The following AGBL4 variants were observed in gnomAD, a reference collection of about 807,000 sequenced individuals.
The protein encoded by AGBL4 is cytosolic carboxypeptidase 6.
Under a neutral mutation model 66.4 loss-of-function variants are expected in AGBL4, and 58 were observed. The observed-to-expected ratio is 0.87, with a 90% CI of 0.71 to 1.09. AGBL4 has a LOEUF of 1.09. Among genes scored for constraint, AGBL4 ranks in the 50% least tolerant of loss-of-function variants. The probability of loss-of-function intolerance (pLI) is 0.00; values close to 1 mark genes in which losing one functional copy is unlikely to be tolerated. For synonymous variants in AGBL4, 234 were observed against 222.9 expected (o/e 1.05, Z -0.44); for missense variants, 579 against 631.0 (o/e 0.92, Z 0.88).
chr1:49,593,233 G>A (rs565067844), intron 3 of AGBL4, among the ~76,000 whole-genome samples: 18 of 152,104 alleles, frequency 1.2e-4, no homozygotes, highest in Admixed American at 5.2e-4. Context: ...GTGAAACCCC[G>A]TCTCAACTAA....
chr1:49,600,226 C>T lies in AGBL4; in HGVS notation c.282+97087G>A, dbSNP rs146243130. Among the ~76,000 whole-genome samples the T allele has an allele frequency of 6.6e-4, 100 of 152,234 alleles. 2 individuals are homozygous for T. In the East Asian group the frequency reaches 0.017, roughly 26 times the overall value. On this transcript the variant is annotated intron_variant, in intron 3 of 13. Coordinates refer to ENST00000371839, the MANE Select transcript of AGBL4 (RefSeq NM_032785.4). Reference sequence around the variant, plus strand: ...GACAGTGGGGTGTTAAAGACTCCCACTATTATTGTGTGGGTGTCTAAGTCT... The same window carrying T: ...GACAGTGGGGTGTTAAAGACTCCCATTATTATTGTGTGGGTGTCTAAGTCT...
At chr1:48,979,431 G>A (rs545670129) in intron 5 of AGBL4, among the ~76,000 whole-genome samples, 22 of 152,024 alleles carry the variant, frequency 1.4e-4, no homozygotes, top group Non-Finnish European at 2.8e-4. Flanking sequence ...CCAGTCTATT[G>A]GGGAGATAGA....
At chr1:49,443,545 T>C (rs988504916) in intron 3 of AGBL4, among the ~76,000 whole-genome samples, 1 of 151,966 alleles carries the variant, frequency 6.6e-6, no homozygotes, top group African/African-American at 2.4e-5. Flanking sequence ...TTATAAGCTC[T>C]TGTGTTTTGT....
intron 3 of AGBL4, among the ~76,000 whole-genome samples, chr1:49,423,809 CAAAAAAAAAA>C (rs5774048): frequency 1.3e-4 from 11 of 84,368 alleles, no homozygotes; most frequent in African/African-American, 3.1e-4. Context: ...AAGACTCGGC[CAAAAAAAAAA>C]AAAAAAAAAA....
chr1:49,142,528 A>T (rs539885444), intron 4 of AGBL4, among the ~76,000 whole-genome samples: 29 of 152,322 alleles, frequency 1.9e-4, no homozygotes, highest in African/African-American at 6.5e-4. Flanking sequence ...GAGTAGTAGG[A>T]GAATGACTTA....
chr1:49,393,127 G>A (rs926301946), intron 3 of AGBL4, among the ~76,000 whole-genome samples: 1 of 152,180 alleles, frequency 6.6e-6, no homozygotes, highest in African/African-American at 2.4e-5. Flanking sequence ...AGTTATTACA[G>A]CAAAGCTTGA....
chr1:49,777,691 T>C (rs1205298334), intron 2 of AGBL4, among the ~76,000 whole-genome samples: 1 of 152,180 alleles, frequency 6.6e-6, no homozygotes, highest in Non-Finnish European at 1.5e-5. Flanking sequence ...TTGGGTCATT[T>C]GCAATTCCCT....
At chr1:49,031,832 T>C (rs1042846315) in intron 5 of AGBL4, among the ~76,000 whole-genome samples, 1 of 152,118 alleles carries the variant, frequency 6.6e-6, no homozygotes, top group African/African-American at 2.4e-5. Context: ...CTTGTCCTCA[T>C]GGAGTTTAAA....
At chr1:49,397,769 A>G (rs1557902388) in intron 3 of AGBL4, among the ~76,000 whole-genome samples, 2 of 152,170 alleles carry the variant, frequency 1.3e-5, no homozygotes. Flanking sequence ...TAGCCAGCAC[A>G]CTAGCTCTCC....
intron 3 of AGBL4, among the ~76,000 whole-genome samples, chr1:49,459,756 T>A (rs969260547): frequency 6.6e-6 from 1 of 151,722 alleles, no homozygotes; most frequent in Admixed American, 6.6e-5. Context: ...CCTTAGAAAG[T>A]CTATTTGTGC....
chr1:49,400,989 T>C (rs1262763528), intron 3 of AGBL4, among the ~76,000 whole-genome samples: 2 of 152,214 alleles, frequency 1.3e-5, no homozygotes, highest in Non-Finnish European at 2.9e-5. Context: ...GTTCCTTTTA[T>C]ACCCAGTTTT....
chr1:49,605,495 T>C (rs1645047321), intron 3 of AGBL4, among the ~76,000 whole-genome samples: 1 of 152,078 alleles, frequency 6.6e-6, no homozygotes, highest in African/African-American at 2.4e-5. Flanking sequence ...AGGAAAACAT[T>C]AGATCAATTA....
At chr1:49,838,105 A>C (rs1645898898) in intron 2 of AGBL4, among the ~76,000 whole-genome samples, 1 of 152,232 alleles carries the variant, frequency 6.6e-6, no homozygotes, top group African/African-American at 2.4e-5. Flanking sequence ...CTATTGGGAA[A>C]GCCAAAAGGC....
At chr1:49,257,359 G>T (rs909106450) in intron 3 of AGBL4, 3 of 157,146 alleles carry the variant, frequency 1.9e-5, no homozygotes, top group Non-Finnish European at 2.8e-5. Flanking sequence ...GTTTACGTAA[G>T]CGAGCCTCAG....
chr1:49,093,005 C>T (rs1645028701), intron 4 of AGBL4, among the ~76,000 whole-genome samples: 1 of 152,050 alleles, frequency 6.6e-6, no homozygotes, highest in Admixed American at 6.6e-5. Flanking sequence ...CTGGATGAGA[C>T]ATCAAGGGAA....
intron 3 of AGBL4, among the ~76,000 whole-genome samples, chr1:49,693,520 C>T (rs1007992048): frequency 4.0e-5 from 6 of 151,824 alleles, no homozygotes; most frequent in African/African-American, 1.2e-4. Flanking sequence ...TTATGCTCCA[C>T]GATAGAAAAT....
intron 3 of AGBL4, among the ~76,000 whole-genome samples, chr1:49,443,629 AT>A (rs1165670052): frequency 6.6e-6 from 1 of 151,826 alleles, no homozygotes; most frequent in Non-Finnish European, 1.5e-5. Context: ...CTATGTGCCT[AT>A]TTTTATACTA....
At chr1:49,927,478 T>C (rs1254360509) in intron 1 of AGBL4, among the ~76,000 whole-genome samples, 2 of 152,054 alleles carry the variant, frequency 1.3e-5, no homozygotes, top group Non-Finnish European at 2.9e-5. Flanking sequence ...CAGACGCTTA[T>C]AAAACCATCA....
intron 5 of AGBL4, among the ~76,000 whole-genome samples, chr1:49,021,346 T>C (rs1045014553): frequency 3.3e-5 from 5 of 152,188 alleles, no homozygotes. Context: ...TGGTGTGCTA[T>C]GGTCTGAACG....
Sources: allele counts gnomAD v4.1 joint callset (sites outside exome capture counted in the v4.1 genomes callset), GRCh38; gene constraint gnomAD v4.1.1; transcripts MANE v1.5; gene names NCBI Gene and HGNC (gene_info 2026-07-23, HGNC 2026-07-21).